The following TULP4 variants were observed in gnomAD, a reference collection of about 807,000 sequenced individuals.
TULP4 encodes tubby-related protein 4.
Under a neutral mutation model 129.0 loss-of-function variants are expected in TULP4, and 16 were observed. The ratio of observed to expected loss-of-function variants is 0.12; its 90% CI spans 0.08 to 0.19. TULP4 has a LOEUF of 0.19. Among genes scored for constraint, TULP4 ranks in the 10% least tolerant of loss-of-function variants. The pLI, the probability that TULP4 is intolerant of heterozygous loss-of-function variation, is 1.00. For synonymous variants in TULP4, 998 were observed against 854.0 expected (o/e 1.17, Z -2.94); for missense variants, 1,842 against 2,059.1 (o/e 0.89, Z 2.04).
chr6:158,489,063 G>T (rs940753476), intron 8 of TULP4, among the ~76,000 whole-genome samples: 1 of 152,134 alleles, frequency 6.6e-6, no homozygotes, highest in Non-Finnish European at 1.5e-5. Context: ...GGAGAGCCAG[G>T]CCCCCGCCGC....
chr6:158,337,128 C>T (rs865783089), intron 1 of TULP4, among the ~76,000 whole-genome samples: 257 of 73,710 alleles, frequency 3.5e-3, no homozygotes, highest in South Asian at 6.6e-3. Flanking sequence ...CTTTCTTTCT[C>T]TTTTTTTTTT....
chr6:158,291,511 G>T (rs78508872), intron 1 of TULP4, among the ~76,000 whole-genome samples: 151 of 152,172 alleles, frequency 9.9e-4, no homozygotes, highest in African/African-American at 3.6e-3. Flanking sequence ...GTGTGCCCAG[G>T]TGTGGATTTC....
At chr6:158,479,188 C>T (rs1277440456) in intron 6 of TULP4, among the ~76,000 whole-genome samples, 1 of 152,156 alleles carries the variant, frequency 6.6e-6, no homozygotes, top group Non-Finnish European at 1.5e-5. Context: ...CTCATCACCA[C>T]CTCCCCAAGC....
intron 1 of TULP4, among the ~76,000 whole-genome samples, chr6:158,236,642 T>C (rs1777706710): frequency 6.6e-6 from 1 of 152,016 alleles, no homozygotes; most frequent in Admixed American, 6.6e-5. Context: ...CAGAAAGAAG[T>C]GTCTTCAGAC....
intron 8 of TULP4, among the ~76,000 whole-genome samples, chr6:158,483,759 C>T (rs546695488): frequency 2.6e-5 from 4 of 152,142 alleles, no homozygotes; most frequent in Admixed American, 6.5e-5. Flanking sequence ...CCTTAGATTA[C>T]GATTCATTAG....
chr6:158,339,414 G>C (rs113958089), intron 1 of TULP4, among the ~76,000 whole-genome samples: 1 of 152,178 alleles, frequency 6.6e-6, no homozygotes, highest in Non-Finnish European at 1.5e-5. Flanking sequence ...CATTGTCAGC[G>C]TTCAAGAGCA....
intron 1 of TULP4, among the ~76,000 whole-genome samples, chr6:158,244,891 T>G (rs1777998334): frequency 6.6e-6 from 1 of 152,134 alleles, no homozygotes; most frequent in Non-Finnish European, 1.5e-5. Flanking sequence ...CAAAATAAAT[T>G]TCTGTTGTTT....
At chr6:158,399,682 G>T (rs1375962904) in intron 1 of TULP4, among the ~76,000 whole-genome samples, 1 of 121,226 alleles carries the variant, frequency 8.2e-6, no homozygotes, top group Non-Finnish European at 1.8e-5. Context: ...AACGCTTATT[G>T]AATCTTTCTG....
intron 1 of TULP4, among the ~76,000 whole-genome samples, chr6:158,265,845 A>G (rs763906678): frequency 8.5e-5 from 13 of 152,134 alleles, no homozygotes; most frequent in Non-Finnish European, 1.5e-4. Context: ...CAGCACCCCC[A>G]ATATTAAGCA....
At chr6:158,423,052 G>A (rs892473506) in intron 2 of TULP4, among the ~76,000 whole-genome samples, 9 of 149,686 alleles carry the variant, frequency 6.0e-5, no homozygotes, top group Admixed American at 5.3e-4. Context: ...AGAGGCCGGA[G>A]GATAGCTTGA....
chr6:158,277,679 T>C (rs1199086247), upstream of TULP4, among the ~76,000 whole-genome samples: 6 of 152,180 alleles, frequency 3.9e-5, no homozygotes, highest in African/African-American at 1.4e-4. Flanking sequence ...TTGGTTACAC[T>C]GAGTTTCTGG....
intron 5 of TULP4, among the ~76,000 whole-genome samples, chr6:158,453,677 T>A (rs1158212383): frequency 1.3e-5 from 2 of 150,530 alleles, no homozygotes; most frequent in Non-Finnish European, 2.9e-5. Context: ...TAATCCCAGC[T>A]ACTCGGGAGG....
In TULP4 at chr6:158,505,638, C is replaced by T. The variant is rs865881074; in HGVS notation, c.4516-940C>T. ...GGACCAGAGGCGGATGAGTGCAGCC[C>T]GTGTGCTAGGGCATGGCGTCACTGT... On this transcript the variant is annotated intron_variant, in intron 13 of 13. Coordinates refer to ENST00000367097, the MANE Select transcript of TULP4 (RefSeq NM_020245.5). Among the ~76,000 whole-genome samples, 27 of 152,318 alleles carry T rather than the reference C, an allele frequency of 1.8e-4. No homozygotes were observed. In the East Asian group the frequency reaches 2.1e-3, roughly 12 times the overall value.
chr6:158,285,231 G>A (rs1347362721), intron 1 of TULP4, among the ~76,000 whole-genome samples: 1 of 151,988 alleles, frequency 6.6e-6, no homozygotes, highest in Admixed American at 6.5e-5. Flanking sequence ...TGGTCTGTTA[G>A]TAGATTTTTT....
intron 1 of TULP4, among the ~76,000 whole-genome samples, chr6:158,247,420 C>T (rs1778049286): frequency 6.6e-6 from 1 of 152,212 alleles, no homozygotes; most frequent in Admixed American, 6.5e-5. Flanking sequence ...ACACTACATT[C>T]TAAAGACTCA....
At chr6:158,354,302 G>GT (rs1304410538) in intron 1 of TULP4, among the ~76,000 whole-genome samples, 8 of 152,266 alleles carry the variant, frequency 5.3e-5, no homozygotes, top group East Asian at 1.9e-4. Context: ...TGTGTTTTAT[G>GT]TTTTTTTAAG....
intron 1 of TULP4, among the ~76,000 whole-genome samples, chr6:158,348,257 G>A (rs2114779802): frequency 6.8e-6 from 1 of 147,692 alleles, no homozygotes; most frequent in African/African-American, 2.5e-5. Flanking sequence ...GATAATAGTG[G>A]AGAGAAGGTC....
upstream of TULP4, among the ~76,000 whole-genome samples, chr6:158,308,604 G>A (rs537183529): frequency 6.6e-3 from 991 of 151,028 alleles, 9 homozygotes; most frequent in African/African-American, 0.023. Context: ...CTCACCTCCC[G>A]GACGGGGCGG....
In TULP4 at chr6:158,404,505, C is replaced by T. The variant is rs527707636; in HGVS notation, c.253-8560C>T. The stretch of plus-strand genomic sequence containing the variant: ...AAAATGCCTGTGAATTGGCCAGGTG[C>T]GGTGGCTCAGGCCTGTAATCCCAGC... On this transcript the variant is annotated intron_variant, in intron 1 of 13. Transcript: ENST00000367097. Among the ~76,000 whole-genome samples the T allele has an allele frequency of 8.6e-5, 13 of 151,706 alleles. No individual in the cohort carries two copies. The East Asian group carries it at 1.4e-3, about 16-fold the overall frequency.
Sources: allele counts gnomAD v4.1 joint callset (sites outside exome capture counted in the v4.1 genomes callset), GRCh38; gene constraint gnomAD v4.1.1; transcripts MANE v1.5; gene names NCBI Gene and HGNC (gene_info 2026-07-23, HGNC 2026-07-21).